SRGAP3: variants seen among roughly 807,000 people sequenced by gnomAD.
The protein encoded by SRGAP3 is SLIT-ROBO Rho GTPase activating protein 3.
SRGAP3 carries 39 observed loss-of-function variants against 121.1 expected under a neutral mutation model. That is an observed-to-expected ratio of 0.32 (90% confidence interval 0.25 to 0.42). SRGAP3 has a LOEUF of 0.42. Among genes scored for constraint, SRGAP3 ranks in the 10% least tolerant of loss-of-function variants. SRGAP3 has a pLI of 1.00. For synonymous variants in SRGAP3, 601 were observed against 570.0 expected, an observed-to-expected ratio of 1.05 and a Z score of -0.77; for missense variants, 1,213 against 1,470.6, an observed-to-expected ratio of 0.82 and a Z score of 2.86.
At chr3:9,145,002 ATCTT>A (rs1226136959) in intron 1 of SRGAP3, among the ~76,000 whole-genome samples, 1 of 152,300 alleles carries the variant, frequency 6.6e-6, no homozygotes, top group East Asian at 1.9e-4. Context: ...TGCCCATATA[ATCTT>A]TCTCTCTCTT....
rs1028335409 is a variant in SRGAP3, at chr3:8,983,189, C to T, written c.*2330G>A. The T allele has an allele frequency of 8.8e-6, 2 of 227,038 alleles. No individual in the cohort carries two copies. The highest frequency in any genetic ancestry group is 1.7e-5 in the Non-Finnish European group (2 of 114,300). The allele number at this position is 227,038 out of a possible 1,614,324, so 14.1% of individuals were successfully genotyped here. ...TTAAGAGCCTGACGCAGCCTCTGCT[C>T]CTAGCCAGTGTCAAATCTTGGGCAG... On this transcript the variant is annotated 3_prime_UTR_variant, in exon 22 of 22. Coordinates refer to ENST00000383836, the MANE Select transcript of SRGAP3 (RefSeq NM_014850.4).
At position 9,063,846 on chromosome 3, in the gene SRGAP3, C is replaced by T. The variant is rs143145943; in HGVS notation, c.672+550G>A. ...CAAAGCTAGAATTCCTCCCACCACA[C>T]CCTACTAAAGGACTTTTCCAGAATC... On this transcript the variant is annotated intron_variant, in intron 5 of 21. Transcript: ENST00000383836. 3.3e-3 allele frequency among the ~76,000 whole-genome samples: 508 copies of T among 152,320 alleles called. 1 individual carries two copies. Among genetic ancestry groups the T allele is most frequent in the African/African-American group, 0.012 (482 of 41,576 alleles).
chr3:9,230,815 T>C (rs1953177677), intron 1 of SRGAP3, among the ~76,000 whole-genome samples: 1 of 148,150 alleles, frequency 6.7e-6, no homozygotes, highest in Non-Finnish European at 1.5e-5. Flanking sequence ...CGGTGAGTTA[T>C]GATGGCGCCA....
chr3:9,054,832 C>G (rs952070915), intron 8 of SRGAP3, among the ~76,000 whole-genome samples: 8 of 152,176 alleles, frequency 5.3e-5, no homozygotes, highest in African/African-American at 1.9e-4. Flanking sequence ...AGTATGTGCT[C>G]TATAAATACT....
At chr3:9,055,362 C>T (rs528412331) in intron 8 of SRGAP3, among the ~76,000 whole-genome samples, 4 of 152,334 alleles carry the variant, frequency 2.6e-5, no homozygotes, top group South Asian at 2.1e-4. Context: ...CCCATGACCT[C>T]GAGTGTCACT....
At chr3:9,145,832 TGAG>T (rs970900924) in intron 1 of SRGAP3, among the ~76,000 whole-genome samples, 17 of 152,076 alleles carry the variant, frequency 1.1e-4, no homozygotes, top group African/African-American at 4.1e-4. Flanking sequence ...GTTCACCAGG[TGAG>T]GAGAGAGAAG....
At chr3:9,026,810 TC>T in intron 13 of SRGAP3, 124 bp downstream of exon 13, 1 of 1,053,324 alleles carries the variant, frequency 9.5e-7, no homozygotes, top group South Asian at 1.3e-5. Flanking sequence ...TGCAGTACTT[TC>T]CCCCTCCAAA....
At chr3:9,343,665 A>G (rs1409752073) in intron 1 of SRGAP3, among the ~76,000 whole-genome samples, 3 of 152,094 alleles carry the variant, frequency 2.0e-5, no homozygotes, top group Admixed American at 2.0e-4. Context: ...GCATACTCTT[A>G]TATGCTCTAC....
intron 1 of SRGAP3, among the ~76,000 whole-genome samples, chr3:9,358,730 T>C (rs2030647457): frequency 6.6e-6 from 1 of 152,226 alleles, no homozygotes; most frequent in African/African-American, 2.4e-5. Flanking sequence ...GACCCCCTCT[T>C]TGGGTTCAAT....
At chr3:9,335,894 C>T (rs1252950085) in intron 1 of SRGAP3, among the ~76,000 whole-genome samples, 1 of 152,060 alleles carries the variant, frequency 6.6e-6, no homozygotes, top group African/African-American at 2.4e-5. Flanking sequence ...CAGTCTCTTG[C>T]TTATCCAGCC....
At chr3:9,038,478 G>A (rs1944874385) in intron 10 of SRGAP3, among the ~76,000 whole-genome samples, 1 of 152,148 alleles carries the variant, frequency 6.6e-6, no homozygotes, top group South Asian at 2.1e-4. Flanking sequence ...TACCACCCCT[G>A]GTGATCACTT....
At chr3:9,075,722 G>A (rs940079187) in intron 4 of SRGAP3, among the ~76,000 whole-genome samples, 9 of 152,186 alleles carry the variant, frequency 5.9e-5, no homozygotes, top group African/African-American at 2.2e-4. Context: ...GGAGTTTACT[G>A]GAAAATCCTT....
At chr3:9,029,071 C>G (rs937421205) in intron 12 of SRGAP3, among the ~76,000 whole-genome samples, 48 of 152,154 alleles carry the variant, frequency 3.2e-4, no homozygotes, top group African/African-American at 1.1e-3. Flanking sequence ...ATCTCGACAG[C>G]TGGAATTGTC....
At chr3:9,154,635 G>A (rs1450212984) in intron 1 of SRGAP3, among the ~76,000 whole-genome samples, 1 of 152,208 alleles carries the variant, frequency 6.6e-6, no homozygotes, top group East Asian at 1.9e-4. Context: ...CAAGGAACAT[G>A]AAGTATCACC....
intron 1 of SRGAP3, among the ~76,000 whole-genome samples, chr3:9,215,090 T>C (rs1448333508): frequency 1.3e-5 from 2 of 152,236 alleles, no homozygotes; most frequent in African/African-American, 4.8e-5. Flanking sequence ...AATATGATAC[T>C]GTGTGTCTAT....
intron 1 of SRGAP3, among the ~76,000 whole-genome samples, chr3:9,341,886 G>A (rs1032963814): frequency 1.9e-4 from 29 of 152,220 alleles, no homozygotes; most frequent in African/African-American, 6.5e-4. Flanking sequence ...TTCACCAGTC[G>A]GTAAGGCCAA....
intron 1 of SRGAP3, among the ~76,000 whole-genome samples, chr3:9,171,172 A>G (rs1160577596): frequency 1.3e-5 from 2 of 152,144 alleles, no homozygotes; most frequent in Non-Finnish European, 2.9e-5. Context: ...AGTCCTGGAA[A>G]CCTGAGGTCC....
At chr3:9,247,782 G>T (rs748076004) in intron 1 of SRGAP3, among the ~76,000 whole-genome samples, 1 of 152,184 alleles carries the variant, frequency 6.6e-6, no homozygotes, top group Non-Finnish European at 1.5e-5. Context: ...ACCCTGTGTC[G>T]CAGCAAGGAG....
chr3:9,160,945 G>T (rs545104521), intron 1 of SRGAP3, among the ~76,000 whole-genome samples: 96 of 152,242 alleles, frequency 6.3e-4, no homozygotes, highest in African/African-American at 2.2e-3. Flanking sequence ...AGTCCATGCT[G>T]ATATAAATGA....
Sources: allele counts gnomAD v4.1 joint callset (sites outside exome capture counted in the v4.1 genomes callset), GRCh38; gene constraint gnomAD v4.1.1; transcripts MANE v1.5; gene names NCBI Gene and HGNC (gene_info 2026-07-23, HGNC 2026-07-21).